The following GALNT13 variants were observed in gnomAD, a reference collection of about 807,000 sequenced individuals.
GALNT13 encodes the protein polypeptide N-acetylgalactosaminyltransferase 13, also known as UDP-GalNAc:polypeptide N-acetylgalactosaminyltransferase 13.
A neutral mutation model predicts 64.2 loss-of-function variants in GALNT13; 28 were observed. That is an observed-to-expected ratio of 0.44 (90% CI 0.32 to 0.60). GALNT13 has a LOEUF of 0.60. GALNT13 is among the 20% of genes least tolerant of loss of function. GALNT13 has a pLI of 0.05. For synonymous variants in GALNT13, 214 were observed against 224.6 expected (o/e 0.95, Z 0.42); for missense variants, 577 against 669.8 (o/e 0.86, Z 1.53).
intron 4 of GALNT13, among the ~76,000 whole-genome samples, chr2:154,203,582 TA>T (rs1336361213): frequency 6.6e-6 from 1 of 152,154 alleles, no homozygotes; most frequent in African/African-American, 2.4e-5. Flanking sequence ...AGGCTCTCCC[TA>T]ACTCCTGATT....
At chr2:153,390,554 A>G in the GALNT13 span, among the ~76,000 whole-genome samples, 1 of 152,166 alleles carries the variant, frequency 6.6e-6, no homozygotes, top group Non-Finnish European at 1.5e-5. Flanking sequence ...CAGTTATAGA[A>G]GACCTTTTAC....
intron 9 of GALNT13, among the ~76,000 whole-genome samples, chr2:154,369,832 C>T (rs533292383): frequency 6.6e-6 from 1 of 152,252 alleles, no homozygotes; most frequent in East Asian, 1.9e-4. Context: ...AGCATCTTCT[C>T]TTGGTTGATA....
chr2:153,417,028 T>C, the GALNT13 span, among the ~76,000 whole-genome samples: 1 of 151,946 alleles, frequency 6.6e-6, no homozygotes, highest in African/African-American at 2.4e-5. Context: ...AGGTCAGAAG[T>C]AGGGATCACA....
chr2:153,878,752 C>T (rs1686568562), intron 1 of GALNT13, among the ~76,000 whole-genome samples: 1 of 152,170 alleles, frequency 6.6e-6, no homozygotes, highest in Non-Finnish European at 1.5e-5. Context: ...TCCATTTTTA[C>T]TTCTTTGCCT....
At chr2:154,251,810 T>C (rs1231089988) in intron 7 of GALNT13, among the ~76,000 whole-genome samples, 1 of 152,206 alleles carries the variant, frequency 6.6e-6, no homozygotes, top group African/African-American at 2.4e-5. Flanking sequence ...CTCTGCTTTC[T>C]ATTTTGGTTA....
At chr2:154,008,671 G>A (rs1367885620) in intron 3 of GALNT13, among the ~76,000 whole-genome samples, 1 of 151,968 alleles carries the variant, frequency 6.6e-6, no homozygotes, top group African/African-American at 2.4e-5. Context: ...ATTTATAAGT[G>A]AGAACCTGTG....
At chr2:153,592,021 G>A in the GALNT13 span, among the ~76,000 whole-genome samples, 1 of 151,766 alleles carries the variant, frequency 6.6e-6, no homozygotes, top group Non-Finnish European at 1.5e-5. Context: ...CAAAGGACAT[G>A]AACAGAATTT....
chr2:153,478,849 C>G, the GALNT13 span: 1 of 387,090 alleles, frequency 2.6e-6, no homozygotes. Context: ...CTGGACCAGC[C>G]CGGCCGTGGG....
At chr2:154,049,683 A>C (rs1415866413) in intron 3 of GALNT13, among the ~76,000 whole-genome samples, 1 of 151,740 alleles carries the variant, frequency 6.6e-6, no homozygotes, top group East Asian at 1.9e-4. Context: ...GATTTTCCAC[A>C]TACTTAATAG....
the GALNT13 span, among the ~76,000 whole-genome samples, chr2:153,162,891 C>G: frequency 2.3e-4 from 35 of 152,146 alleles, no homozygotes; most frequent in African/African-American, 8.4e-4. Context: ...GAGGTGACAT[C>G]AACCCACAGA....
At chr2:154,217,477 TA>T (rs1688107112) in intron 4 of GALNT13, among the ~76,000 whole-genome samples, 1 of 152,172 alleles carries the variant, frequency 6.6e-6, no homozygotes, top group African/African-American at 2.4e-5. Flanking sequence ...TTATGTATCA[TA>T]TGTTCTATTC....
chr2:153,068,532 T>C, the GALNT13 span, among the ~76,000 whole-genome samples: 1 of 152,216 alleles, frequency 6.6e-6, no homozygotes, highest in South Asian at 2.1e-4. Flanking sequence ...TCATACCATT[T>C]TGACCAGAGC....
the GALNT13 span, among the ~76,000 whole-genome samples, chr2:153,668,221 TA>T: frequency 6.6e-6 from 1 of 151,980 alleles, no homozygotes; most frequent in African/African-American, 2.4e-5. Flanking sequence ...CTAACAAAGA[TA>T]CTCAGGACCT....
At chr2:153,273,724 G>T in the GALNT13 span, among the ~76,000 whole-genome samples, 1 of 152,194 alleles carries the variant, frequency 6.6e-6, no homozygotes, top group Non-Finnish European at 1.5e-5. Flanking sequence ...GATTTTCAGT[G>T]AGTGTCACAG....
At chr2:154,071,282 T>A (rs903054456) in intron 3 of GALNT13, among the ~76,000 whole-genome samples, 2 of 152,132 alleles carry the variant, frequency 1.3e-5, no homozygotes, top group African/African-American at 4.8e-5. Flanking sequence ...ATGAGACTGA[T>A]ATAGGGGGTT....
intron 2 of GALNT13, among the ~76,000 whole-genome samples, chr2:153,921,303 C>T (rs1463166642): frequency 1.3e-5 from 2 of 151,542 alleles, no homozygotes; most frequent in East Asian, 3.9e-4. Flanking sequence ...CAAAAAAGAT[C>T]ATATCCTTAG....
chr2:154,003,601 G>A (rs548860236), intron 3 of GALNT13, among the ~76,000 whole-genome samples: 14 of 152,220 alleles, frequency 9.2e-5, no homozygotes, highest in African/African-American at 3.4e-4. Flanking sequence ...TGAATACAAA[G>A]TCTTGTTGCC....
intron 3 of GALNT13, among the ~76,000 whole-genome samples, chr2:154,078,789 A>G (rs554520632): frequency 1.6e-4 from 24 of 151,714 alleles, no homozygotes; most frequent in Middle Eastern, 6.8e-3. Flanking sequence ...GGTGGTAAAT[A>G]TAGAAGTTGA....
chr2:154,108,901 G>T (rs115663070), intron 3 of GALNT13, among the ~76,000 whole-genome samples: 1 of 151,994 alleles, frequency 6.6e-6, no homozygotes, highest in African/African-American at 2.4e-5. Flanking sequence ...TAGATCATAC[G>T]TGTGTGGGTT....
Sources: allele counts gnomAD v4.1 joint callset (sites outside exome capture counted in the v4.1 genomes callset), GRCh38; gene constraint gnomAD v4.1.1; transcripts MANE v1.5; gene names NCBI Gene and HGNC (gene_info 2026-07-23, HGNC 2026-07-21).